Variants in RBFOX1 observed in about 807,000 individuals in gnomAD.
The protein encoded by RBFOX1 is RNA binding protein fox-1 homolog 1.
In RBFOX1, 8 loss-of-function variants were observed where a neutral mutation model predicts 57.7. That is an observed-to-expected ratio of 0.14 (90% CI 0.08 to 0.25). RBFOX1 has a LOEUF of 0.25. RBFOX1 is among the 10% of genes least tolerant of loss of function. The pLI is 1.00. For missense variants in RBFOX1, 611 were observed against 548.5 expected, an observed-to-expected ratio of 1.11 and a Z score of -1.14; for synonymous variants, 326 against 222.4, an observed-to-expected ratio of 1.47 and a Z score of -4.15.
chr16:6,174,931 G>T lies in RBFOX1; in HGVS notation c.-126-142064G>T, dbSNP rs147415719. Among the ~76,000 whole-genome samples, 545 of 152,266 alleles carry T rather than the reference G, an allele frequency of 3.6e-3. 3 individuals carry two copies. The highest frequency in any genetic ancestry group is 5.5e-3 in the Non-Finnish European group (377 of 68,026). On this transcript the variant is annotated intron_variant, in intron 1 of 15. Coordinates refer to ENST00000550418, the MANE Select transcript of RBFOX1 (RefSeq NM_018723.4). ...AAAAGGAAGGCTCTGGTGGCAGATG[G>T]CCAGAGCTAAGCTCCTGTATCCACT...
rs368967394 is a variant in RBFOX1 at position 6,295,349 on chromosome 16, C to T, written c.-126-21646C>T. Among the ~76,000 whole-genome samples the T allele has an allele frequency of 2.0e-4, 31 of 152,226 alleles. 1 individual carries two copies. In the East Asian group the frequency reaches 2.5e-3, roughly 12 times the overall value. On this transcript the variant is annotated intron_variant, in intron 1 of 15. Coordinates refer to ENST00000550418, the MANE Select transcript of RBFOX1 (RefSeq NM_018723.4). ...TCATGTTGGCCAGGATGGTCTCGAT[C>T]CCTTGACCTTGTGATCTGTCCACCT... is the stretch of plus-strand genomic sequence containing the variant.
At chr16:5,958,355 C>G (rs1179664460) in intron 4 of RBFOX1, among the ~76,000 whole-genome samples, 1 of 152,172 alleles carries the variant, frequency 6.6e-6, no homozygotes, top group East Asian at 1.9e-4. Flanking sequence ...GGAGATAAGC[C>G]TCCTTGCAGT....
At chr16:5,621,325 C>G (rs2048195204) in intron 3 of RBFOX1, among the ~76,000 whole-genome samples, 1 of 152,162 alleles carries the variant, frequency 6.6e-6, no homozygotes, top group Non-Finnish European at 1.5e-5. Context: ...CCAAATAGGT[C>G]TCACAAATAT....
chr16:6,870,854 C>G (rs2060742319), intron 3 of RBFOX1, among the ~76,000 whole-genome samples: 1 of 152,138 alleles, frequency 6.6e-6, no homozygotes, highest in Admixed American at 6.5e-5. Context: ...TTTACAGTCA[C>G]TAATAAAAGG....
At chr16:7,022,425 T>C (rs576687144) in intron 3 of RBFOX1, among the ~76,000 whole-genome samples, 1 of 152,094 alleles carries the variant, frequency 6.6e-6, no homozygotes, top group African/African-American at 2.4e-5. Context: ...CCAGAGCATA[T>C]CTTCATGCCC....
intron 1 of RBFOX1, among the ~76,000 whole-genome samples, chr16:6,286,743 GGGTA>G (rs1327668427): frequency 6.6e-6 from 1 of 152,112 alleles, no homozygotes; most frequent in African/African-American, 2.4e-5. Context: ...AGGCTCACCT[GGGTA>G]GCAGATTCAT....
chr16:7,316,037 C>T (rs1027121924), intron 4 of RBFOX1, among the ~76,000 whole-genome samples: 1 of 152,180 alleles, frequency 6.6e-6, no homozygotes, highest in African/African-American at 2.4e-5. Context: ...AAACAAACAT[C>T]CCTTTATTCT....
intron 5 of RBFOX1, among the ~76,000 whole-genome samples, chr16:7,569,467 G>T (rs1303945522): frequency 6.6e-6 from 1 of 152,142 alleles, no homozygotes; most frequent in African/African-American, 2.4e-5. Flanking sequence ...GACATTGGGG[G>T]TTCTCTTCCA....
chr16:6,395,066 C>G (rs1394145288), intron 2 of RBFOX1, among the ~76,000 whole-genome samples: 1 of 152,176 alleles, frequency 6.6e-6, no homozygotes, highest in Non-Finnish European at 1.5e-5. Flanking sequence ...AGGCAATATT[C>G]TGACCTCAAC....
chr16:7,180,070 C>T (rs1278627563), intron 4 of RBFOX1, among the ~76,000 whole-genome samples: 1 of 152,078 alleles, frequency 6.6e-6, no homozygotes, highest in Non-Finnish European at 1.5e-5. Context: ...ACAGAGCCTG[C>T]TTTTCTCAGA....
At chr16:6,282,166 T>C (rs1339053042) in intron 1 of RBFOX1, among the ~76,000 whole-genome samples, 1 of 152,182 alleles carries the variant, frequency 6.6e-6, no homozygotes, top group African/African-American at 2.4e-5. Flanking sequence ...GTATTGACTG[T>C]TTCTTGGGAA....
intron 3 of RBFOX1, among the ~76,000 whole-genome samples, chr16:6,954,617 C>G (rs1021727340): frequency 3.9e-5 from 6 of 152,006 alleles, no homozygotes; most frequent in African/African-American, 9.7e-5. Flanking sequence ...GATGGAGAAA[C>G]TGAGGCAAAA....
At chr16:6,323,461 G>A (rs2082035483) in intron 2 of RBFOX1, among the ~76,000 whole-genome samples, 1 of 152,126 alleles carries the variant, frequency 6.6e-6, no homozygotes, top group Non-Finnish European at 1.5e-5. Context: ...CTTAGCACCT[G>A]TAAAAGTGAC....
intron 11 of RBFOX1, among the ~76,000 whole-genome samples, chr16:7,651,289 C>G (rs2065008884): frequency 6.6e-6 from 1 of 152,092 alleles, no homozygotes; most frequent in Non-Finnish European, 1.5e-5. Context: ...TATTTGGGCC[C>G]TTAAAATTGC....
At chr16:7,133,917 T>A (rs1048838123) in intron 4 of RBFOX1, among the ~76,000 whole-genome samples, 1 of 152,168 alleles carries the variant, frequency 6.6e-6, no homozygotes, top group Non-Finnish European at 1.5e-5. Context: ...GTTCCAAATA[T>A]GAATACATGA....
At chr16:6,993,564 A>T (rs2091834948) in intron 3 of RBFOX1, among the ~76,000 whole-genome samples, 2 of 152,162 alleles carry the variant, frequency 1.3e-5, no homozygotes, top group African/African-American at 4.8e-5. Context: ...TATTCTACAT[A>T]GGGAGGCAAG....
chr16:7,123,228 T>C (rs1364780512), intron 4 of RBFOX1, among the ~76,000 whole-genome samples: 1 of 152,178 alleles, frequency 6.6e-6, no homozygotes, highest in African/African-American at 2.4e-5. Context: ...GCCCATAGAT[T>C]ATATGAGGAT....
At chr16:6,592,090 A>G (rs912427140) in intron 2 of RBFOX1, among the ~76,000 whole-genome samples, 3 of 152,176 alleles carry the variant, frequency 2.0e-5, no homozygotes, top group East Asian at 1.9e-4. Context: ...CTTTAGACAC[A>G]CGTTCCAATG....
At chr16:5,334,032 C>G (rs963117929) in intron 1 of RBFOX1, among the ~76,000 whole-genome samples, 2 of 152,124 alleles carry the variant, frequency 1.3e-5, no homozygotes, top group African/African-American at 4.8e-5. Flanking sequence ...GGTGAATAAA[C>G]CTGAGAGGTG....
Sources: allele counts gnomAD v4.1 joint callset (sites outside exome capture counted in the v4.1 genomes callset), GRCh38; gene constraint gnomAD v4.1.1; transcripts MANE v1.5; gene names NCBI Gene and HGNC (gene_info 2026-07-23, HGNC 2026-07-21).